The following FRMPD1 variants were observed in gnomAD, a reference collection of about 807,000 sequenced individuals.
FRMPD1 encodes the protein FERM and PDZ domain-containing protein 1.
A neutral mutation model predicts 117.8 loss-of-function variants in FRMPD1; 76 were observed. That is an observed-to-expected ratio of 0.65 (90% CI 0.54 to 0.78). The LOEUF is 0.78. FRMPD1 is among the 30% of genes least tolerant of loss of function. The probability of loss-of-function intolerance (pLI) is 0.00; values close to 1 mark genes in which losing one functional copy is unlikely to be tolerated. For missense variants in FRMPD1, 1,786 were observed against 1,964.5 expected (o/e 0.91, Z 1.72); for synonymous variants, 783 against 770.4 (o/e 1.02, Z -0.27).
Position 37,732,366 on chromosome 9 carries a change from A to G in FRMPD1, c.921A>G (p.Arg307=). Reference sequence around the variant, plus strand: ...AAATGAAATGTAGCTCTGCACTCCGACTCGCGGCTCTGCACATCCAGGAAC... The same window carrying G: ...AAATGAAATGTAGCTCTGCACTCCGGCTCGCGGCTCTGCACATCCAGGAAC... ...AVEMKCSSAL[R]LAALHIQERI... The change falls in exon 10 of 16, where the codon CGA becomes CGG. Residue 307 remains arginine, a synonymous_variant. Transcript: ENST00000377765. 6.2e-7 allele frequency: 1 copy of G among 1,613,816 alleles called. No homozygotes were observed. Among genetic ancestry groups the G allele is most frequent in the Non-Finnish European group, 8.5e-7 (1 of 1,179,948 alleles).
At chr9:37,658,199 C>G (rs79914278) in intron 1 of FRMPD1, among the ~76,000 whole-genome samples, 1 of 151,980 alleles carries the variant, frequency 6.6e-6, no homozygotes, top group African/African-American at 2.4e-5. Context: ...TCAGCCCAGA[C>G]AGGAGCAAGC....
At chr9:37,706,609 CTCTT>C (rs1287404080) in intron 2 of FRMPD1, among the ~76,000 whole-genome samples, 1 of 152,164 alleles carries the variant, frequency 6.6e-6, no homozygotes, top group Non-Finnish European at 1.5e-5. Flanking sequence ...TGTGGTTTCT[CTCTT>C]TGAGAGATAG....
chr9:37,707,132 A>G (rs1289477102), intron 2 of FRMPD1, among the ~76,000 whole-genome samples: 2 of 152,094 alleles, frequency 1.3e-5, no homozygotes, highest in Non-Finnish European at 2.9e-5. Context: ...TCCCTGCCCT[A>G]CAAAGGTGAA....
chr9:37,617,176 GT>G, the FRMPD1 span, among the ~76,000 whole-genome samples: 1 of 152,166 alleles, frequency 6.6e-6, no homozygotes, highest in Admixed American at 6.5e-5. Flanking sequence ...ATGGAAATGG[GT>G]TTCTAAGCAG....
At chr9:37,656,926 G>C (rs1274825499) in intron 1 of FRMPD1, among the ~76,000 whole-genome samples, 1 of 100,564 alleles carries the variant, frequency 9.9e-6, no homozygotes, top group Non-Finnish European at 1.8e-5. Flanking sequence ...AGTTGTTTTG[G>C]TGAAAAAGAA....
intron 1 of FRMPD1, among the ~76,000 whole-genome samples, chr9:37,667,062 C>CTTTT (rs573955616): frequency 0.011 from 1,189 of 111,028 alleles, 93 homozygotes; most frequent in African/African-American, 0.043. Context: ...TTGAAGCATG[C>CTTTT]TTTTTTTTTT....
At chr9:37,633,290 C>T in the FRMPD1 span, among the ~76,000 whole-genome samples, 12 of 152,180 alleles carry the variant, frequency 7.9e-5, no homozygotes, top group Non-Finnish European at 1.3e-4. Flanking sequence ...ATTCGCCCTC[C>T]TCAGCCTTCC....
the FRMPD1 span, among the ~76,000 whole-genome samples, chr9:37,610,122 C>T: frequency 6.6e-6 from 1 of 152,210 alleles, no homozygotes; most frequent in Non-Finnish European, 1.5e-5. Flanking sequence ...TTGTCTCTTT[C>T]CCCACAATAG....
In FRMPD1 at chr9:37,737,186, T is replaced by G. The variant is rs1331917131; in HGVS notation, c.1492T>G (p.Ser498Ala). 1.2e-6 allele frequency: 2 copies of G among 1,613,912 alleles called. No individual in the cohort carries two copies. Among genetic ancestry groups the G allele is most frequent in the Non-Finnish European group, 8.5e-7 (1 of 1,179,958 alleles). The change falls in exon 14 of 16, where the codon TCC becomes GCC. Residue 498 changes from serine (S) to alanine (A), a missense_variant. Physicochemically the swap from Ser to Ala is moderately conservative, Grantham distance 99. Transcript: ENST00000377765. ...CAGGCTGTTGGTTGACCCAGTTACC[T>G]CCATTTTCCTCTGGCCTGGAAACAA... ...YYRLLVDPVTSIFLWPGNKQQ... is the reference protein window; with the variant it reads ...YYRLLVDPVTAIFLWPGNKQQ...
At chr9:37,730,505 G>A (rs760073273) in intron 8 of FRMPD1, among the ~76,000 whole-genome samples, 9 of 152,184 alleles carry the variant, frequency 5.9e-5, no homozygotes, top group Non-Finnish European at 8.8e-5. Flanking sequence ...TGCACTCACC[G>A]ATTAGAAGGT....
At chr9:37,711,254 T>C in intron 4 of FRMPD1, 96 bp from the exon 5 acceptor site, 1 of 835,414 alleles carries the variant, frequency 1.2e-6, no homozygotes, top group Non-Finnish European at 2.1e-6. Context: ...GCCAGTCTTT[T>C]TGACCCTAAC....
At chr9:37,684,402 G>A (rs1390209176) in intron 1 of FRMPD1, among the ~76,000 whole-genome samples, 4 of 152,164 alleles carry the variant, frequency 2.6e-5, no homozygotes, top group Non-Finnish European at 5.9e-5. Context: ...CATAGTAAGT[G>A]GTAATGTTGT....
chr9:37,646,551 A>C (rs996179661), upstream of FRMPD1, among the ~76,000 whole-genome samples: 6 of 152,230 alleles, frequency 3.9e-5, no homozygotes, highest in African/African-American at 1.4e-4. Context: ...TGCAGGCATT[A>C]AAATTGCCAA....
At chr9:37,623,170 T>C in the FRMPD1 span, among the ~76,000 whole-genome samples, 2 of 152,198 alleles carry the variant, frequency 1.3e-5, no homozygotes, top group Non-Finnish European at 2.9e-5. Context: ...GCTACATTCA[T>C]TGATGAATTC....
At chr9:37,709,970 G>A (rs1373361431) in intron 4 of FRMPD1, among the ~76,000 whole-genome samples, 1 of 152,252 alleles carries the variant, frequency 6.6e-6, no homozygotes. Flanking sequence ...TCTTTTGCAT[G>A]TGAGAATCCC....
At chr9:37,643,923 T>C in the FRMPD1 span, among the ~76,000 whole-genome samples, 4 of 152,268 alleles carry the variant, frequency 2.6e-5, no homozygotes, top group African/African-American at 9.6e-5. Context: ...GTTGCGCTGC[T>C]GTGTGCCATT....
the FRMPD1 span, among the ~76,000 whole-genome samples, chr9:37,645,045 A>C: frequency 4.6e-5 from 7 of 151,564 alleles, no homozygotes; most frequent in African/African-American, 1.7e-4. Context: ...TGCTGGCCAC[A>C]ACCTCAAGAC....
the FRMPD1 span, among the ~76,000 whole-genome samples, chr9:37,645,662 G>A: frequency 6.6e-6 from 1 of 152,196 alleles, no homozygotes; most frequent in African/African-American, 2.4e-5. Flanking sequence ...GTATTATACA[G>A]TGAATTGGAC....
At chr9:37,638,773 A>T in the FRMPD1 span, among the ~76,000 whole-genome samples, 11 of 152,168 alleles carry the variant, frequency 7.2e-5, no homozygotes, top group Non-Finnish European at 1.5e-4. Context: ...AGCCATTATA[A>T]ACTGTTATAA....
Sources: gnomAD v4.1 joint callset for allele counts (sites outside exome capture counted in the v4.1 genomes callset) on GRCh38, gnomAD v4.1.1 for gene constraint, MANE v1.5 for transcripts, NCBI Gene and HGNC (gene_info 2026-07-23, HGNC 2026-07-21) for gene names.